Variants in OCA2 observed in about 807,000 individuals in gnomAD.
The protein encoded by OCA2 is OCA2 melanosomal transmembrane protein, also known as P protein.
Under a neutral mutation model 100.2 loss-of-function variants are expected in OCA2, and 77 were observed. The observed-to-expected ratio is 0.77, with a 90% CI of 0.64 to 0.93. The LOEUF (loss-of-function observed/expected upper bound fraction) is 0.93, where lower values mean the gene tolerates loss of function less well. OCA2 is among the 40% of genes least tolerant of loss of function. The pLI is 0.00. For synonymous variants in OCA2, 432 were observed against 439.2 expected, an observed-to-expected ratio of 0.98 and a Z score of 0.21; for missense variants, 1,062 against 1,089.1, an observed-to-expected ratio of 0.98 and a Z score of 0.35.
intron 17 of OCA2, among the ~76,000 whole-genome samples, chr15:27,953,930 T>G (rs2140648846): frequency 6.6e-6 from 1 of 151,978 alleles, no homozygotes; most frequent in South Asian, 2.1e-4. Flanking sequence ...TCCCCTCAAG[T>G]CCCCAAAGTC....
chr15:27,969,926 T>C (rs2040713765), intron 14 of OCA2, among the ~76,000 whole-genome samples: 1 of 151,848 alleles, frequency 6.6e-6, no homozygotes, highest in African/African-American at 2.4e-5. Context: ...AAAAGCTTCT[T>C]ATGAAGTGTT....
chr15:27,795,750 T>G (rs186520456), intron 23 of OCA2, among the ~76,000 whole-genome samples: 136 of 152,186 alleles, frequency 8.9e-4, no homozygotes, highest in African/African-American at 3.1e-3. Flanking sequence ...AGGGAGAGAC[T>G]CCCCCAACAC....
At chr15:27,950,408 C>T (rs1296987347) in intron 18 of OCA2, 1 of 371,022 alleles carries the variant, frequency 2.7e-6, no homozygotes, top group African/African-American at 2.1e-5. Flanking sequence ...AATAATTACA[C>T]TGCAGCAATT....
At chr15:27,878,007 TTTAA>T in intron 19 of OCA2, among the ~76,000 whole-genome samples, 1 of 150,460 alleles carries the variant, frequency 6.6e-6, no homozygotes, top group East Asian at 1.9e-4. Context: ...ATATTAATAT[TTTAA>T]TTAATTTTTA....
At chr15:27,745,213 T>C in the OCA2 span, among the ~76,000 whole-genome samples, 1 of 151,994 alleles carries the variant, frequency 6.6e-6, no homozygotes, top group Non-Finnish European at 1.5e-5. Context: ...TTTCCAAAAG[T>C]AAGAGGAGGA....
At chr15:27,901,160 T>G (rs1384804904) in intron 19 of OCA2, among the ~76,000 whole-genome samples, 1 of 152,248 alleles carries the variant, frequency 6.6e-6, no homozygotes, top group Admixed American at 6.5e-5. Context: ...GATGGGATAT[T>G]GTACAGCTCT....
chr15:28,041,251 G>GA (rs934618443), intron 2 of OCA2, among the ~76,000 whole-genome samples: 3 of 111,118 alleles, frequency 2.7e-5, no homozygotes, highest in Non-Finnish European at 4.9e-5. Flanking sequence ...ACACAGTAAA[G>GA]AAAAAAAAAC....
the OCA2 span, among the ~76,000 whole-genome samples, chr15:27,746,676 C>A: frequency 3.3e-5 from 5 of 152,196 alleles, no homozygotes; most frequent in Admixed American, 1.3e-4. Context: ...GTCTTCAGAT[C>A]TGGGGTGTTC....
chr15:27,751,737 G>C (rs931669217), downstream of OCA2, among the ~76,000 whole-genome samples: 2 of 152,314 alleles, frequency 1.3e-5, no homozygotes, highest in South Asian at 2.1e-4. Context: ...ATGCTGGCAA[G>C]CCTTGAGGGG....
the OCA2 span, among the ~76,000 whole-genome samples, chr15:27,744,780 C>G: frequency 1.3e-5 from 2 of 152,174 alleles, no homozygotes; most frequent in African/African-American, 4.8e-5. Context: ...CCCCACTCAA[C>G]TGACTGATGG....
chr15:27,996,385 A>G (rs1401708021), intron 9 of OCA2, among the ~76,000 whole-genome samples: 2 of 152,148 alleles, frequency 1.3e-5, no homozygotes, highest in Non-Finnish European at 2.9e-5. Context: ...ATAAAACTTT[A>G]AAAAAGAAGA....
At chr15:27,975,131 G>A (rs973731129) in intron 14 of OCA2, among the ~76,000 whole-genome samples, 14 of 152,128 alleles carry the variant, frequency 9.2e-5, no homozygotes, top group African/African-American at 1.7e-4. Flanking sequence ...AGAATATTTC[G>A]ATCTAGGACT....
At chr15:27,731,199 T>C in the OCA2 span, among the ~76,000 whole-genome samples, 2 of 152,178 alleles carry the variant, frequency 1.3e-5, no homozygotes, top group African/African-American at 4.8e-5. Flanking sequence ...TAACATTCTC[T>C]TAAAATTCAA....
chr15:27,797,472 C>A (rs2033392628), intron 23 of OCA2, among the ~76,000 whole-genome samples: 1 of 152,132 alleles, frequency 6.6e-6, no homozygotes, highest in African/African-American at 2.4e-5. Context: ...GAAGAACAGA[C>A]CCAGCTCTGT....
intron 2 of OCA2, among the ~76,000 whole-genome samples, chr15:28,041,786 A>T (rs116237722): frequency 9.2e-5 from 14 of 152,352 alleles, no homozygotes; most frequent in African/African-American, 3.4e-4. Context: ...TCTTAGAAAC[A>T]TAATGTTGCA....
At chr15:28,065,767 C>T in intron 2 of OCA2, among the ~76,000 whole-genome samples, 1 of 152,050 alleles carries the variant, frequency 6.6e-6, no homozygotes, top group Non-Finnish European at 1.5e-5. Context: ...ATTGAAGGCT[C>T]TCTACTTATC....
At chr15:27,778,516 C>T (rs927835547) in intron 23 of OCA2, among the ~76,000 whole-genome samples, 1 of 152,062 alleles carries the variant, frequency 6.6e-6, no homozygotes, top group Non-Finnish European at 1.5e-5. Flanking sequence ...AGACACTGCA[C>T]AGAAGACACG....
intron 2 of OCA2, among the ~76,000 whole-genome samples, chr15:28,058,070 A>T (rs1277039547): frequency 1.3e-5 from 2 of 152,202 alleles, no homozygotes; most frequent in Non-Finnish European, 2.9e-5. Flanking sequence ...GGTACCCTGA[A>T]GGGCTGGTAG....
the OCA2 span, among the ~76,000 whole-genome samples, chr15:27,724,240 A>G: frequency 6.6e-6 from 1 of 152,226 alleles, no homozygotes; most frequent in African/African-American, 2.4e-5. Flanking sequence ...ACAATTCTGG[A>G]GGCTGGAAGG....
Sources: allele counts gnomAD v4.1 joint callset (sites outside exome capture counted in the v4.1 genomes callset), GRCh38; gene constraint gnomAD v4.1.1; transcripts MANE v1.5; gene names NCBI Gene and HGNC (gene_info 2026-07-23, HGNC 2026-07-21).